The following PARD3B variants were observed in gnomAD, a reference collection of about 807,000 sequenced individuals.
PARD3B encodes the protein par-3 family cell polarity regulator beta.
A neutral mutation model predicts 130.2 loss-of-function variants in PARD3B; 103 were observed. That is an observed-to-expected ratio of 0.79 (90% CI 0.67 to 0.93). The LOEUF (loss-of-function observed/expected upper bound fraction) is 0.93, where lower values mean the gene tolerates loss of function less well. Among genes scored for constraint, PARD3B ranks in the 40% least tolerant of loss-of-function variants. PARD3B has a pLI of 0.00. For missense variants in PARD3B, 1,609 were observed against 1,499.2 expected (o/e 1.07, Z -1.21); for synonymous variants, 583 against 553.2 (o/e 1.05, Z -0.76).
At position 205,473,711 on chromosome 2, in the gene PARD3B, C is replaced by CAT. The variant is rs1455062578; in HGVS notation, c.3045-26184_3045-26183insTA. Among the ~76,000 whole-genome samples, 342 of 99,058 alleles carry CAT rather than the reference C, an allele frequency of 3.5e-3. No homozygotes were observed. Among genetic ancestry groups the CAT allele is most frequent in the African/African-American group, 0.02 (330 of 16,464 alleles). The allele number at this position is 99,058 out of a possible 152,430, so 65.0% of individuals were successfully genotyped here. On this transcript the variant is annotated intron_variant, in intron 20 of 22. Coordinates refer to ENST00000406610, the MANE Select transcript of PARD3B (RefSeq NM_001302769.2). The surrounding 1 kb of genome is among the most constrained non-coding windows in gnomAD (Gnocchi z 4.9). ...ATATATATATATATATATATATATA[C>CAT]ACACACACGTATATAAAACCCTAAA...
rs576846413 is a variant in PARD3B at position 205,526,615 on chromosome 2, C to T, written c.3180+26584C>T. ...GTTTTCATTTTTGACTTGGAAACAA[C>T]AAGGCAGATGCCACATTCCATACCA... On this transcript the variant is annotated intron_variant, in intron 21 of 22. Coordinates refer to ENST00000406610, the MANE Select transcript of PARD3B (RefSeq NM_001302769.2). Among the ~76,000 whole-genome samples, 43 of 152,218 alleles carry T rather than the reference C, an allele frequency of 2.8e-4. 1 individual carries two copies. Among genetic ancestry groups the T allele is most frequent in the Middle Eastern group, 6.8e-3 (2 of 294 alleles).
chr2:205,436,970 C>T (rs1179973626), intron 19 of PARD3B, among the ~76,000 whole-genome samples: 2 of 152,010 alleles, frequency 1.3e-5, no homozygotes, highest in Non-Finnish European at 2.9e-5. Context: ...TCTGCCTCTC[C>T]TCCATTCTGA....
chr2:205,355,504 A>G (rs2044159632), intron 18 of PARD3B, among the ~76,000 whole-genome samples: 1 of 149,234 alleles, frequency 6.7e-6, no homozygotes. Flanking sequence ...GAGAATTAGG[A>G]TTTTTGAAAG....
At chr2:204,785,285 A>G (rs909505414) in intron 2 of PARD3B, among the ~76,000 whole-genome samples, 1 of 152,162 alleles carries the variant, frequency 6.6e-6, no homozygotes, top group Non-Finnish European at 1.5e-5. Context: ...CCTAGGAATT[A>G]TATAAATGCA....
At chr2:205,098,540 G>T (rs1164087728) in intron 4 of PARD3B, among the ~76,000 whole-genome samples, 1 of 152,176 alleles carries the variant, frequency 6.6e-6, no homozygotes, top group Non-Finnish European at 1.5e-5. Flanking sequence ...TTGGGAATGC[G>T]ATGAGCATTC....
chr2:204,807,534 G>A (rs2042812826), intron 2 of PARD3B, among the ~76,000 whole-genome samples: 1 of 152,088 alleles, frequency 6.6e-6, no homozygotes, highest in African/African-American at 2.4e-5. Context: ...TTGAAGAAAT[G>A]TCTGCACTCT....
intron 2 of PARD3B, among the ~76,000 whole-genome samples, chr2:204,810,702 C>A (rs561126137): frequency 6.6e-6 from 1 of 152,010 alleles, no homozygotes. Flanking sequence ...TTGCTGGGTT[C>A]AGTTTGCCAG....
rs977862548 is a variant in PARD3B, at chr2:205,463,982, A to C, written c.3044+23310A>C. ...AGATTTTATTTCCTACCTGCCTGCCACAGAGTTCTGAGTTAGAGTAGTCAG... is the reference window on the plus strand; with the variant it reads ...AGATTTTATTTCCTACCTGCCTGCCCCAGAGTTCTGAGTTAGAGTAGTCAG... On this transcript the variant is annotated intron_variant, in intron 20 of 22. Coordinates refer to ENST00000406610, the MANE Select transcript of PARD3B (RefSeq NM_001302769.2). This position sits in a 1 kb window ranked among gnomAD's most constrained non-coding sequence, Gnocchi z 4.8. Among the ~76,000 whole-genome samples, 5 of 152,184 alleles carry C rather than the reference A, an allele frequency of 3.3e-5. No homozygotes were observed. The highest frequency in any genetic ancestry group is 1.2e-4 in the African/African-American group (5 of 41,458).
chr2:204,687,188 C>A (rs1479005766), intron 2 of PARD3B, among the ~76,000 whole-genome samples: 1 of 152,074 alleles, frequency 6.6e-6, no homozygotes, highest in African/African-American at 2.4e-5. Flanking sequence ...TTATTAAACT[C>A]AGGTGAAGTT....
intron 18 of PARD3B, among the ~76,000 whole-genome samples, chr2:205,369,998 C>G (rs1342499610): frequency 6.6e-6 from 1 of 152,174 alleles, no homozygotes; most frequent in Non-Finnish European, 1.5e-5. Context: ...ACTTTGTCCC[C>G]AGAGCCCCTC....
intron 3 of PARD3B, among the ~76,000 whole-genome samples, chr2:205,042,913 A>G (rs907328526): frequency 6.6e-6 from 1 of 151,292 alleles, no homozygotes; most frequent in Non-Finnish European, 1.5e-5. Context: ...TTCTATAAGA[A>G]TTTATGCTTT....
intron 2 of PARD3B, among the ~76,000 whole-genome samples, chr2:204,856,867 C>G (rs920382676): frequency 1.3e-5 from 2 of 152,008 alleles, no homozygotes; most frequent in African/African-American, 2.4e-5. Flanking sequence ...GGTTTTCTGT[C>G]CTGTTCATTG....
chr2:204,746,018 A>G (rs549091748), intron 2 of PARD3B, among the ~76,000 whole-genome samples: 1 of 150,982 alleles, frequency 6.6e-6, no homozygotes, highest in Non-Finnish European at 1.5e-5. Flanking sequence ...TCTAGGGTAC[A>G]TGTGTACAAC....
At chr2:205,295,360 A>G (rs532728227) in intron 16 of PARD3B, among the ~76,000 whole-genome samples, 33 of 152,320 alleles carry the variant, frequency 2.2e-4, no homozygotes, top group Middle Eastern at 3.4e-3. Context: ...CCCAGGTCTC[A>G]TGCTGTGACC....
At chr2:205,381,399 T>A (rs1051854244) in intron 18 of PARD3B, among the ~76,000 whole-genome samples, 1 of 151,076 alleles carries the variant, frequency 6.6e-6, no homozygotes, top group Non-Finnish European at 1.5e-5. Context: ...CCATAATAGA[T>A]CTGCTAATTA....
chr2:205,494,849 C>T (rs2106328451), intron 20 of PARD3B, among the ~76,000 whole-genome samples: 1 of 152,268 alleles, frequency 6.6e-6, no homozygotes, highest in South Asian at 2.1e-4. Flanking sequence ...GTCTCTGAGC[C>T]TCAGTGTGCT....
intron 2 of PARD3B, among the ~76,000 whole-genome samples, chr2:204,687,130 G>T (rs989446945): frequency 6.6e-6 from 1 of 151,980 alleles, no homozygotes; most frequent in African/African-American, 2.4e-5. Flanking sequence ...GTGTGTATGT[G>T]TACATTTTTG....
intron 2 of PARD3B, among the ~76,000 whole-genome samples, chr2:204,881,736 GA>G (rs1468223626): frequency 6.6e-6 from 1 of 152,196 alleles, no homozygotes; most frequent in Non-Finnish European, 1.5e-5. Context: ...GGAGTAGTGG[GA>G]AAGGAGTAAC....
At chr2:204,863,099 T>C (rs2045276818) in intron 2 of PARD3B, among the ~76,000 whole-genome samples, 1 of 152,174 alleles carries the variant, frequency 6.6e-6, no homozygotes, top group African/African-American at 2.4e-5. Flanking sequence ...TCAGGCTGTT[T>C]TAGGCTTGAA....
Sources: gnomAD v4.1 joint callset for allele counts (sites outside exome capture counted in the v4.1 genomes callset) on GRCh38, gnomAD v4.1.1 for gene constraint, Gnocchi (gnomAD v3.1) non-coding constraint, MANE v1.5 for transcripts, NCBI Gene and HGNC (gene_info 2026-07-23, HGNC 2026-07-21) for gene names.